Variants in WDSUB1 observed in about 807,000 individuals in gnomAD.
WDSUB1 encodes the protein WD repeat, SAM and U-box domain-containing protein 1.
In WDSUB1, 49 loss-of-function variants were observed where a neutral mutation model predicts 53.9. The observed-to-expected ratio is 0.91, with a 90% CI of 0.72 to 1.15. The LOEUF (loss-of-function observed/expected upper bound fraction) is 1.15, where lower values mean the gene tolerates loss of function less well. Ranked by LOEUF, WDSUB1 falls within the 50% of genes most tolerant of loss-of-function variation. The probability of loss-of-function intolerance (pLI) is 0.00; values close to 1 mark genes in which losing one functional copy is unlikely to be tolerated. For synonymous variants in WDSUB1, 194 were observed against 200.6 expected, an observed-to-expected ratio of 0.97 and a Z score of 0.28; for missense variants, 514 against 562.0, an observed-to-expected ratio of 0.91 and a Z score of 0.86.
intron 9 of WDSUB1, among the ~76,000 whole-genome samples, chr2:159,253,130 A>G (rs2060985840): frequency 1.3e-5 from 2 of 152,198 alleles, no homozygotes; most frequent in African/African-American, 4.8e-5. Context: ...GTTGCGTAAT[A>G]TCACATCTAA....
At chr2:159,249,929 A>G (rs1449311387) in intron 9 of WDSUB1, among the ~76,000 whole-genome samples, 2 of 151,264 alleles carry the variant, frequency 1.3e-5, no homozygotes, top group Non-Finnish European at 3.0e-5. Context: ...AAAAAGAAAG[A>G]AAGAAAAAAA....
At chr2:159,255,084 C>T (rs892145873) in intron 9 of WDSUB1, among the ~76,000 whole-genome samples, 8 of 152,082 alleles carry the variant, frequency 5.3e-5, no homozygotes, top group African/African-American at 1.9e-4. Flanking sequence ...GAGCTGTGAT[C>T]GCACCACTGC....
intron 2 of WDSUB1, among the ~76,000 whole-genome samples, chr2:159,280,755 A>G (rs943685666): frequency 5.3e-5 from 8 of 151,310 alleles, no homozygotes; most frequent in African/African-American, 1.9e-4. Flanking sequence ...ATTATTTATG[A>G]AAGGAAAATG....
chr2:159,266,265 C>T (rs1039732219), intron 5 of WDSUB1, among the ~76,000 whole-genome samples: 11 of 151,762 alleles, frequency 7.2e-5, no homozygotes, highest in Non-Finnish European at 1.2e-4. Flanking sequence ...CTGGACTCAC[C>T]GCAAGCACCG....
chr2:159,286,040 AGTTT>A (rs1350398475), intron 1 of WDSUB1, among the ~76,000 whole-genome samples: 1 of 152,082 alleles, frequency 6.6e-6, no homozygotes, highest in Admixed American at 6.5e-5. Context: ...TCAGCTGAAC[AGTTT>A]GTTTTGAAAA....
chr2:159,265,912 C>A (rs948362515), intron 5 of WDSUB1, among the ~76,000 whole-genome samples: 1 of 152,122 alleles, frequency 6.6e-6, no homozygotes, highest in Non-Finnish European at 1.5e-5. Context: ...GCCATCACAG[C>A]TCTGAGGGCT....
At chr2:159,239,868 G>A (rs147395416) in intron 10 of WDSUB1, among the ~76,000 whole-genome samples, 1 of 152,314 alleles carries the variant, frequency 6.6e-6, no homozygotes, top group Non-Finnish European at 1.5e-5. Flanking sequence ...GAGAGACTGA[G>A]GTTCTGAGAA....
chr2:159,264,047 G>T (rs1289237974), intron 5 of WDSUB1, among the ~76,000 whole-genome samples: 1 of 152,162 alleles, frequency 6.6e-6, no homozygotes, highest in Non-Finnish European at 1.5e-5. Flanking sequence ...CAAGGCTGGG[G>T]TTAAAACCCA....
intron 5 of WDSUB1, among the ~76,000 whole-genome samples, chr2:159,264,951 G>A (rs1209775890): frequency 6.6e-6 from 1 of 151,874 alleles, no homozygotes; most frequent in Admixed American, 6.6e-5. Flanking sequence ...AGGCATGGTC[G>A]CGGGCACCTG....
intron 5 of WDSUB1, among the ~76,000 whole-genome samples, chr2:159,265,707 A>C (rs1333762596): frequency 6.6e-6 from 1 of 151,920 alleles, no homozygotes; most frequent in East Asian, 1.9e-4. Context: ...ACCCTGTCCC[A>C]AAAAAAAGAC....
intron 10 of WDSUB1, among the ~76,000 whole-genome samples, chr2:159,246,558 AGAAT>A (rs750817871): frequency 6.6e-6 from 1 of 152,202 alleles, no homozygotes; most frequent in Non-Finnish European, 1.5e-5. Context: ...CTAGGAAATT[AGAAT>A]GATACAATCA....
chr2:159,275,007 C>CA (rs1338565260), intron 4 of WDSUB1, among the ~76,000 whole-genome samples: 7 of 151,662 alleles, frequency 4.6e-5, no homozygotes, highest in Non-Finnish European at 1.0e-4. Flanking sequence ...CCCTAAAGTA[C>CA]AAGAAAAGAG....
intron 10 of WDSUB1, among the ~76,000 whole-genome samples, chr2:159,247,886 A>AAAATAT (rs2060836682): frequency 1.6e-5 from 1 of 63,822 alleles, no homozygotes; most frequent in Non-Finnish European, 3.1e-5. Flanking sequence ...AAATTAAATA[A>AAAATAT]ATATATATAT....
At chr2:159,286,012 G>C (rs998328518) in intron 1 of WDSUB1, among the ~76,000 whole-genome samples, 9 of 152,016 alleles carry the variant, frequency 5.9e-5, no homozygotes, top group African/African-American at 2.2e-4. Context: ...CATTCAGTGG[G>C]AAGTACCGAG....
chr2:159,269,302 C>T (rs539706028), intron 5 of WDSUB1, among the ~76,000 whole-genome samples: 3 of 151,736 alleles, frequency 2.0e-5, no homozygotes, highest in Admixed American at 2.0e-4. Flanking sequence ...TCCTGAGTAG[C>T]TGGAATTACA....
At chr2:159,283,275 C>T (rs1436512032) in intron 1 of WDSUB1, among the ~76,000 whole-genome samples, 182 bp from the exon 2 acceptor site, 3 of 152,204 alleles carry the variant, frequency 2.0e-5, no homozygotes, top group Non-Finnish European at 4.4e-5. Flanking sequence ...CAATTATTCC[C>T]TGGACTGGGG....
intron 9 of WDSUB1, among the ~76,000 whole-genome samples, chr2:159,253,565 C>T (rs2060997255): frequency 8.0e-6 from 1 of 125,754 alleles, no homozygotes. Flanking sequence ...CTCAAACCCT[C>T]CAATGTACTT....
intron 10 of WDSUB1, among the ~76,000 whole-genome samples, chr2:159,247,292 A>G (rs1185058159): frequency 6.6e-6 from 1 of 152,184 alleles, no homozygotes; most frequent in African/African-American, 2.4e-5. Flanking sequence ...AATAATGTGG[A>G]CAGTGGACAG....
chr2:159,284,654 A>C (rs890060615), intron 1 of WDSUB1, among the ~76,000 whole-genome samples: 2 of 152,254 alleles, frequency 1.3e-5, no homozygotes, highest in African/African-American at 2.4e-5. Context: ...AAGAAAAGAA[A>C]ACCTAAGAAA....
Sources: gnomAD v4.1 joint callset for allele counts (sites outside exome capture counted in the v4.1 genomes callset) on GRCh38, gnomAD v4.1.1 for gene constraint, MANE v1.5 for transcripts, NCBI Gene and HGNC (gene_info 2026-07-23, HGNC 2026-07-21) for gene names.